Variants in RRM2 observed in about 807,000 individuals in gnomAD.
RRM2 encodes ribonucleotide reductase regulatory subunit M2.
A neutral mutation model predicts 45.9 loss-of-function variants in RRM2; 6 were observed. The ratio of observed to expected loss-of-function variants is 0.13; its 90% CI spans 0.07 to 0.26. The LOEUF is 0.26. RRM2 is among the 10% of genes least tolerant of loss of function. The pLI is 1.00. For missense variants in RRM2, 343 were observed against 489.5 expected (o/e 0.70, Z 2.82); for synonymous variants, 177 against 173.0 (o/e 1.02, Z -0.18).
chr2:10,189,395 T>C (rs1479572961), intron 3 of RRM2, among the ~76,000 whole-genome samples: 1 of 152,146 alleles, frequency 6.6e-6, no homozygotes, highest in Non-Finnish European at 1.5e-5. Flanking sequence ...ATTTAGAAAC[T>C]GGCAGCCAAA....
At chr2:10,150,719 A>G (rs1383269060) in intron 3 of RRM2, among the ~76,000 whole-genome samples, 2 of 147,542 alleles carry the variant, frequency 1.4e-5, no homozygotes, top group South Asian at 2.1e-4. Flanking sequence ...TTCCGTCGCC[A>G]GAGTTTACAT....
chr2:10,180,625 G>A (rs6432072), intron 3 of RRM2, among the ~76,000 whole-genome samples: 37,414 of 152,048 alleles, frequency 0.25, 5,143 homozygotes, highest in East Asian at 0.51. Flanking sequence ...CTCTCAGCCT[G>A]GATGGTCCTT....
At chr2:10,193,852 C>T (rs186336612) in intron 3 of RRM2, among the ~76,000 whole-genome samples, 1 of 152,164 alleles carries the variant, frequency 6.6e-6, no homozygotes, top group Non-Finnish European at 1.5e-5. Context: ...AGAGCCAAAA[C>T]CCAAGCTGTC....
At chr2:10,157,728 C>G (rs1663463577) in intron 3 of RRM2, among the ~76,000 whole-genome samples, 1 of 152,188 alleles carries the variant, frequency 6.6e-6, no homozygotes, top group Admixed American at 6.6e-5. Flanking sequence ...CATTCTACCC[C>G]TGATTGGCAT....
intron 3 of RRM2, among the ~76,000 whole-genome samples, chr2:10,184,068 G>T (rs1664113321): frequency 7.3e-6 from 1 of 137,924 alleles, no homozygotes; most frequent in Non-Finnish European, 1.5e-5. Flanking sequence ...ACTACAGCCT[G>T]GGTGACAGAG....
At chr2:10,176,947 T>G (rs1386072156) in intron 3 of RRM2, among the ~76,000 whole-genome samples, 3 of 152,176 alleles carry the variant, frequency 2.0e-5, no homozygotes, top group Admixed American at 6.6e-5. Flanking sequence ...TTGATGTCTT[T>G]AAAATAGTAC....
intron 3 of RRM2, among the ~76,000 whole-genome samples, chr2:10,173,835 C>T (rs1212945345): frequency 1.3e-5 from 2 of 152,194 alleles, no homozygotes; most frequent in African/African-American, 2.4e-5. Context: ...CTTGGCCTGG[C>T]GCGGGCTGAT....
At position 10,171,275 on chromosome 2, in the gene RRM2, TA is replaced by T. The variant is rs1663801851; in HGVS notation, n.482+28902del. Among the ~76,000 whole-genome samples, 1 of 152,146 alleles carries T rather than the reference TA, an allele frequency of 6.6e-6. No individual in the cohort carries two copies. Among genetic ancestry groups the T allele is most frequent in the African/African-American group, 2.4e-5 (1 of 41,436 alleles). The stretch of plus-strand genomic sequence containing the variant: ...GGGCTGTCAGGAGGATTAAATGAGA[TA>T]AGACAAACACAGAGCAACTCCTTGC... On this transcript the variant is annotated intron_variant and non_coding_transcript_variant, in intron 3 of 3. Transcript: ENST00000381786. The surrounding 1 kb of genome is among the most constrained non-coding windows in gnomAD (Gnocchi z 4.1).
intron 1 of RRM2, chr2:10,141,722 G>T (rs1363552414): frequency 1.5e-6 from 2 of 1,306,076 alleles, no homozygotes; most frequent in Non-Finnish European, 2.1e-6. Flanking sequence ...AAGAGCAGGT[G>T]AGGGTGGGGT....
At chr2:10,133,074 TGA>T (rs1662929148), downstream of RRM2, among the ~76,000 whole-genome samples, 2 of 152,166 alleles carry the variant, frequency 1.3e-5, no homozygotes. Flanking sequence ...CTCAGACACT[TGA>T]GATCGGGTGG....
At chr2:10,141,786 G>A in intron 1 of RRM2, 1 of 1,544,976 alleles carries the variant, frequency 6.5e-7, no homozygotes, top group Non-Finnish European at 8.7e-7. Context: ...GCCTGGGGCT[G>A]GGGCTGGGGC....
At chr2:10,190,800 TTGG>T (rs1281156063) in intron 3 of RRM2, among the ~76,000 whole-genome samples, 1 of 147,348 alleles carries the variant, frequency 6.8e-6, no homozygotes, top group Non-Finnish European at 1.5e-5. Flanking sequence ...GATGGTGGGG[TTGG>T]TGGTGATGAG....
At chr2:10,123,104 T>G (rs1430472765) in intron 2 of RRM2, 47 bp downstream of exon 2, 1 of 1,509,826 alleles carries the variant, frequency 6.6e-7, no homozygotes, top group Middle Eastern at 2.3e-4. Context: ...GCCTTGGGCG[T>G]CTTGGCGCCA....
intron 3 of RRM2, among the ~76,000 whole-genome samples, chr2:10,189,730 G>C (rs1664244464): frequency 1.3e-5 from 2 of 152,022 alleles, no homozygotes. Flanking sequence ...ACCTCACAGG[G>C]TGAGGGTTAA....
chr2:10,173,548 G>A (rs912527003), intron 3 of RRM2, among the ~76,000 whole-genome samples: 33 of 152,210 alleles, frequency 2.2e-4, no homozygotes, highest in African/African-American at 8.0e-4. Flanking sequence ...GTGGCTGGAT[G>A]GGAGTAGCTC....
chr2:10,126,888 A>G lies in RRM2; in HGVS notation c.583A>G (p.Asn195Asp). ...KDPKEREFLF[N>D]AIETMPCVKK... ...TGTGCCTACTAGGGAATTTCTCTTC[A>G]ATGCCATTGAAACGATGCCTTGTGT... The change falls in exon 6 of 10, where the codon AAT becomes GAT. Residue 195 changes from asparagine to aspartate, a missense_variant. Physicochemically the swap from Asn to Asp is conservative, Grantham distance 23. Transcript: ENST00000304567. 1.2e-6 allele frequency: 2 copies of G among 1,613,772 alleles called. No individual in the cohort carries two copies. The highest frequency in any genetic ancestry group is 1.7e-6 in the Non-Finnish European group (2 of 1,179,882).
rs768511895 is a variant in RRM2 at position 10,127,036 on chromosome 2, G to A, written c.665-51G>A. On this transcript the variant is annotated intron_variant, in intron 6 of 9. Transcript: ENST00000304567. The surrounding 1 kb of genome is among the most constrained non-coding windows in gnomAD (Gnocchi z 4.1). The stretch of plus-strand genomic sequence containing the variant: ...TCCAAGTAATGTTACTGGATTTTTG[G>A]CCCTTGAATACCAACTCACTAGAAT... The A allele has an allele frequency of 6.2e-7, 1 of 1,610,748 alleles. No homozygotes were observed. The highest frequency in any genetic ancestry group is 1.7e-5 in the Admixed American group (1 of 59,820).
At chr2:10,190,086 G>T (rs1261753628) in intron 3 of RRM2, among the ~76,000 whole-genome samples, 2 of 150,700 alleles carry the variant, frequency 1.3e-5, no homozygotes, top group African/African-American at 4.9e-5. Flanking sequence ...GATGGTGGTG[G>T]TGATGGTACT....
Position 10,142,400 on chromosome 2 carries a change from G to A in RRM2, n.482+25G>A, listed in dbSNP as rs540858627. Reference sequence around the variant, plus strand: ...GGTGAGAAATGATGGCAACTCGCACGGTGGGGGAAGAGGGGCCACTGTGGA... The same window carrying A: ...GGTGAGAAATGATGGCAACTCGCACAGTGGGGGAAGAGGGGCCACTGTGGA... On this transcript the variant is annotated intron_variant and non_coding_transcript_variant, in intron 3 of 3. Transcript: ENST00000381786. 690 of 1,367,346 alleles carry A rather than the reference G, an allele frequency of 5.0e-4. 6 individuals are homozygous for A. The South Asian group carries it at 7.1e-3, about 14-fold the overall frequency. 84.7% of individuals were successfully genotyped at this position (1,367,346 alleles called of 1,614,324 possible). A position where few individuals can be genotyped will look rare whatever the true frequency, so the allele number is the denominator to read the frequency against.
Sources: allele counts gnomAD v4.1 joint callset (sites outside exome capture counted in the v4.1 genomes callset), GRCh38; gene constraint gnomAD v4.1.1; non-coding constraint Gnocchi (gnomAD v3.1); transcripts MANE v1.5; gene names NCBI Gene and HGNC (gene_info 2026-07-23, HGNC 2026-07-21).